SNTG1: variants seen among roughly 807,000 people sequenced by gnomAD.
The protein encoded by SNTG1 is gamma-1-syntrophin.
A neutral mutation model predicts 74.7 loss-of-function variants in SNTG1; 39 were observed. That is an observed-to-expected ratio of 0.52 (90% CI 0.40 to 0.68). SNTG1 has a LOEUF of 0.68. Among genes scored for constraint, SNTG1 ranks in the 30% least tolerant of loss-of-function variants. The pLI, the probability that SNTG1 is intolerant of heterozygous loss-of-function variation, is 0.00. For missense variants in SNTG1, 685 were observed against 609.5 expected, an observed-to-expected ratio of 1.12 and a Z score of -1.30; for synonymous variants, 254 against 217.1, an observed-to-expected ratio of 1.17 and a Z score of -1.49.
chr8:50,310,585 G>A (rs968518291), intron 2 of SNTG1, among the ~76,000 whole-genome samples: 3 of 152,178 alleles, frequency 2.0e-5, no homozygotes, highest in Non-Finnish European at 4.4e-5. Flanking sequence ...CCACTCGGGA[G>A]GCTGAGGCAG....
At chr8:50,528,203 T>C (rs185352166) in intron 9 of SNTG1, among the ~76,000 whole-genome samples, 3 of 152,152 alleles carry the variant, frequency 2.0e-5, no homozygotes, top group Non-Finnish European at 4.4e-5. Context: ...TAGACATCCC[T>C]TTCTTTCTCT....
chr8:50,511,906 C>T (rs2094080528), intron 9 of SNTG1, among the ~76,000 whole-genome samples: 4 of 152,196 alleles, frequency 2.6e-5, no homozygotes, highest in South Asian at 4.2e-4. Context: ...GAGCATTTAG[C>T]CCATTTACAT....
chr8:50,676,312 G>T (rs1177836567), intron 15 of SNTG1, among the ~76,000 whole-genome samples: 1 of 151,860 alleles, frequency 6.6e-6, no homozygotes, highest in Non-Finnish European at 1.5e-5. Flanking sequence ...CAGAGGCTTT[G>T]TTCATTCCTT....
chr8:50,315,577 A>C lies in SNTG1; in HGVS notation c.-27-78635A>C, dbSNP rs980972216. Among the ~76,000 whole-genome samples the C allele has an allele frequency of 2.0e-5, 3 of 150,034 alleles. 1 individual carries two copies. Among genetic ancestry groups the C allele is most frequent in the African/African-American group, 7.5e-5 (3 of 40,262 alleles). On this transcript the variant is annotated intron_variant, in intron 2 of 18. Transcript: ENST00000642720. ...AGTGGAGAATCATATTGAAATGTTG[A>C]GTGGAATGACAAAATGCAGATTGCT...
chr8:50,253,253 G>T (rs2086721618), intron 2 of SNTG1, among the ~76,000 whole-genome samples: 3 of 152,122 alleles, frequency 2.0e-5, no homozygotes, highest in South Asian at 4.2e-4. Context: ...GAGAAACCCT[G>T]TGTCTACTAA....
At chr8:50,766,832 A>G (rs1165194814) in intron 18 of SNTG1, among the ~76,000 whole-genome samples, 1 of 151,922 alleles carries the variant, frequency 6.6e-6, no homozygotes, top group Non-Finnish European at 1.5e-5. Flanking sequence ...AAATTCTAAG[A>G]TATAATATAT....
At chr8:49,921,504 T>C (rs1263295988) in intron 1 of SNTG1, among the ~76,000 whole-genome samples, 1 of 152,080 alleles carries the variant, frequency 6.6e-6, no homozygotes, top group African/African-American at 2.4e-5. Context: ...AGGAAGATAG[T>C]AGGGATCAGA....
intron 2 of SNTG1, among the ~76,000 whole-genome samples, chr8:50,189,680 T>G (rs1012545899): frequency 5.3e-5 from 8 of 152,166 alleles, no homozygotes; most frequent in African/African-American, 1.7e-4. Flanking sequence ...CAGACCTCTG[T>G]GTCAAGCCTC....
chr8:50,329,865 CT>C (rs1411800041), intron 2 of SNTG1, among the ~76,000 whole-genome samples: 1 of 152,004 alleles, frequency 6.6e-6, no homozygotes, highest in Non-Finnish European at 1.5e-5. Context: ...CTTTTATGCT[CT>C]GCTTCCTTTT....
chr8:50,500,831 C>T (rs1186901535), intron 8 of SNTG1, among the ~76,000 whole-genome samples: 1 of 152,104 alleles, frequency 6.6e-6, no homozygotes, highest in Non-Finnish European at 1.5e-5. Flanking sequence ...ATGGAAAAAG[C>T]TTTCCCAGGT....
intron 2 of SNTG1, among the ~76,000 whole-genome samples, chr8:50,361,565 C>A (rs986576380): frequency 6.6e-6 from 1 of 152,098 alleles, no homozygotes; most frequent in Non-Finnish European, 1.5e-5. Context: ...GACTCAAAGT[C>A]GCTGGGATTA....
chr8:50,422,669 T>C (rs1304261256), intron 4 of SNTG1, among the ~76,000 whole-genome samples: 5 of 152,022 alleles, frequency 3.3e-5, no homozygotes, highest in Non-Finnish European at 5.9e-5. Flanking sequence ...AAATCCTGGG[T>C]GGAACCACAG....
At chr8:50,238,830 A>G (rs541295004) in intron 2 of SNTG1, among the ~76,000 whole-genome samples, 1 of 152,298 alleles carries the variant, frequency 6.6e-6, no homozygotes, top group Non-Finnish European at 1.5e-5. Context: ...AAGATGAGCA[A>G]TGTTCATAGA....
chr8:49,974,400 A>T (rs972964598), intron 1 of SNTG1, among the ~76,000 whole-genome samples: 2 of 152,218 alleles, frequency 1.3e-5, no homozygotes, highest in African/African-American at 4.8e-5. Context: ...TAAAGCATGA[A>T]TAAAACATCT....
chr8:50,084,004 C>T (rs973022512), intron 1 of SNTG1, among the ~76,000 whole-genome samples: 1 of 152,122 alleles, frequency 6.6e-6, no homozygotes, highest in African/African-American at 2.4e-5. Flanking sequence ...ATTCTGAGTT[C>T]TTCATTCTTT....
intron 1 of SNTG1, among the ~76,000 whole-genome samples, chr8:50,130,648 ATTTGCGT>A (rs2081287179): frequency 1.3e-5 from 2 of 152,056 alleles, no homozygotes; most frequent in Non-Finnish European, 2.9e-5. Context: ...AACCTTTGAA[ATTTGCGT>A]TAAAAGATGC....
intron 8 of SNTG1, among the ~76,000 whole-genome samples, chr8:50,455,149 G>C (rs1047273736): frequency 6.6e-6 from 1 of 152,120 alleles, no homozygotes; most frequent in South Asian, 2.1e-4. Flanking sequence ...TAGCAGAAAA[G>C]TATTTGTTGA....
intron 2 of SNTG1, among the ~76,000 whole-genome samples, chr8:50,283,885 C>G (rs963387159): frequency 6.6e-6 from 1 of 152,236 alleles, no homozygotes; most frequent in East Asian, 1.9e-4. Context: ...TGGAGAATTT[C>G]TAAATGCCCC....
chr8:50,484,106 T>TTCTTTCTC (rs1554542538), intron 8 of SNTG1, among the ~76,000 whole-genome samples: 1 of 72,384 alleles, frequency 1.4e-5, no homozygotes, highest in Non-Finnish European at 2.7e-5. Flanking sequence ...CTTTCTCTCT[T>TTCTTTCTC]TCTTTCTTTC....
Sources: gnomAD v4.1 joint callset for allele counts (sites outside exome capture counted in the v4.1 genomes callset) on GRCh38, gnomAD v4.1.1 for gene constraint, MANE v1.5 for transcripts, NCBI Gene and HGNC (gene_info 2026-07-23, HGNC 2026-07-21) for gene names.